SUSD4: variants seen among roughly 807,000 people sequenced by gnomAD.
The protein encoded by SUSD4 is sushi domain containing 4, also known as sushi domain-containing protein 4.
Under a neutral mutation model 50.5 loss-of-function variants are expected in SUSD4, and 41 were observed. The observed-to-expected ratio is 0.81, with a 90% CI of 0.63 to 1.05. The LOEUF is 1.05. Ranked by LOEUF, SUSD4 falls within the 50% of genes least tolerant of loss-of-function variation. SUSD4 has a pLI of 0.00. For synonymous variants in SUSD4, 257 were observed against 257.3 expected, an observed-to-expected ratio of 1.00 and a Z score of 0.01; for missense variants, 580 against 634.7, an observed-to-expected ratio of 0.91 and a Z score of 0.93.
chr1:223,329,709 A>G (rs1352695386), intron 2 of SUSD4, among the ~76,000 whole-genome samples: 1 of 152,220 alleles, frequency 6.6e-6, no homozygotes, highest in Non-Finnish European at 1.5e-5. Flanking sequence ...GGACAGATGG[A>G]TGGATGAACG....
At chr1:223,234,929 C>T (rs1660112616) in intron 5 of SUSD4, 3 of 1,566,354 alleles carry the variant, frequency 1.9e-6, no homozygotes, top group Admixed American at 4.4e-5. Context: ...ATTCAAACGT[C>T]CTTTATTGCA....
At chr1:223,335,648 A>C (rs1417448577) in intron 2 of SUSD4, among the ~76,000 whole-genome samples, 1 of 152,214 alleles carries the variant, frequency 6.6e-6, no homozygotes, top group Non-Finnish European at 1.5e-5. Flanking sequence ...TCAGAGACAC[A>C]AGAAAGCTAG....
intron 3 of SUSD4, among the ~76,000 whole-genome samples, chr1:223,269,240 T>C (rs558625837): frequency 1.3e-5 from 2 of 152,312 alleles, no homozygotes; most frequent in East Asian, 1.9e-4. Context: ...AGATAACAGA[T>C]AGAGCAGCAC....
intron 2 of SUSD4, among the ~76,000 whole-genome samples, chr1:223,312,486 C>T (rs1665938710): frequency 1.3e-5 from 2 of 152,150 alleles, no homozygotes; most frequent in Admixed American, 1.3e-4. Flanking sequence ...CTCACTGATA[C>T]ATGACCTTTG....
chr1:223,273,094 C>A (rs1325183253), intron 3 of SUSD4, among the ~76,000 whole-genome samples: 1 of 152,050 alleles, frequency 6.6e-6, no homozygotes, highest in Non-Finnish European at 1.5e-5. Flanking sequence ...ATGACAAGAA[C>A]AATTTAATTA....
chr1:223,296,366 T>C (rs188800884), intron 2 of SUSD4, among the ~76,000 whole-genome samples: 1 of 152,154 alleles, frequency 6.6e-6, no homozygotes, highest in African/African-American at 2.4e-5. Flanking sequence ...CAGAACAAGA[T>C]GAAGAGTGGG....
rs1659572470 is a variant in SUSD4 at position 223,227,167 on chromosome 1, C to CT, written c.1061+426dup. On this transcript the variant is annotated intron_variant, in intron 7 of 8. Transcript: ENST00000366878. This position sits in a 1 kb window ranked among gnomAD's most constrained non-coding sequence, Gnocchi z 4.5. ...TCCTGAGGCTTCTCAATGCATAACA[C>CT]TTTTGTTCACACACCTCTGACCTGT... Among the ~76,000 whole-genome samples, 1 of 152,146 alleles carries CT rather than the reference C, an allele frequency of 6.6e-6. No homozygotes were observed. Among genetic ancestry groups the CT allele is most frequent in the African/African-American group, 2.4e-5 (1 of 41,422 alleles).
chr1:223,256,578 G>C (rs1029184712), intron 5 of SUSD4, among the ~76,000 whole-genome samples: 12 of 152,248 alleles, frequency 7.9e-5, no homozygotes, highest in African/African-American at 2.4e-4. Flanking sequence ...GCCAGCATTG[G>C]GGGGAGAAGC....
chr1:223,326,544 C>A (rs1055484553), intron 2 of SUSD4, among the ~76,000 whole-genome samples: 1 of 151,928 alleles, frequency 6.6e-6, no homozygotes, highest in Non-Finnish European at 1.5e-5. Flanking sequence ...GAAATAATAA[C>A]CAGAGTAAAC....
At chr1:223,322,895 T>C (rs1666661240) in intron 2 of SUSD4, among the ~76,000 whole-genome samples, 1 of 152,172 alleles carries the variant, frequency 6.6e-6, no homozygotes, top group Non-Finnish European at 1.5e-5. Context: ...ATAATCATGC[T>C]CCCTGCAGCC....
At chr1:223,243,220 C>A (rs1274373956) in intron 5 of SUSD4, among the ~76,000 whole-genome samples, 1 of 152,178 alleles carries the variant, frequency 6.6e-6, no homozygotes, top group African/African-American at 2.4e-5. Context: ...AGCTGCCTCG[C>A]TCCAGGGAGG....
At position 223,280,208 on chromosome 1, in the gene SUSD4, A is replaced by C. The variant is rs559688923; in HGVS notation, c.362-11533T>G. ...GAGCAAAATAACCAGCTAACATCATAATGACAGGATCAAATTCACACATAA... is the reference window on the plus strand; with the variant it reads ...GAGCAAAATAACCAGCTAACATCATCATGACAGGATCAAATTCACACATAA... On this transcript the variant is annotated intron_variant, in intron 3 of 8. Coordinates refer to ENST00000366878, the MANE Select transcript of SUSD4 (RefSeq NM_017982.4). 5.6e-3 allele frequency among the ~76,000 whole-genome samples: 858 copies of C among 152,310 alleles called. 6 individuals carry two copies. The highest frequency in any genetic ancestry group is 9.0e-3 in the Admixed American group (138 of 15,282).
At position 223,227,409 on chromosome 1, in the gene SUSD4, G is replaced by C. The variant is rs1300665099; in HGVS notation, c.1061+185C>G. ...AGGAAGGAGGGAGAGAGGTAGGAAA[G>C]AAAGAAAGAGGAAAATGAGGTCTGT... On this transcript the variant is annotated intron_variant, in intron 7 of 8. Transcript: ENST00000366878. The surrounding 1 kb of genome is among the most constrained non-coding windows in gnomAD (Gnocchi z 4.5). 6.6e-6 allele frequency among the ~76,000 whole-genome samples: 1 copy of C among 152,182 alleles called. No homozygotes were observed. Among genetic ancestry groups the C allele is most frequent in the East Asian group, 1.9e-4 (1 of 5,194 alleles).
chr1:223,326,072 G>C (rs567334820), intron 2 of SUSD4, among the ~76,000 whole-genome samples: 1 of 152,186 alleles, frequency 6.6e-6, no homozygotes, highest in South Asian at 2.1e-4. Flanking sequence ...AACAAATCTG[G>C]AGGCATAACA....
intron 2 of SUSD4, among the ~76,000 whole-genome samples, chr1:223,345,043 T>C (rs1667956197): frequency 6.6e-6 from 1 of 152,240 alleles, no homozygotes; most frequent in African/African-American, 2.4e-5. Context: ...AAGTAATTTG[T>C]TATTAAGTCT....
At chr1:223,338,098 T>C (rs983500289) in intron 2 of SUSD4, among the ~76,000 whole-genome samples, 5 of 152,230 alleles carry the variant, frequency 3.3e-5, no homozygotes, top group African/African-American at 1.2e-4. Context: ...GGAAACACAG[T>C]GCAGTGAAAA....
chr1:223,236,546 C>CA (rs1267072089), intron 5 of SUSD4, among the ~76,000 whole-genome samples: 2 of 142,130 alleles, frequency 1.4e-5, no homozygotes, highest in African/African-American at 5.1e-5. Context: ...CTGTGTCTAG[C>CA]TTTTTTTTTT....
Position 223,227,887 on chromosome 1 carries a change from G to T in SUSD4, c.917-149C>A. On this transcript the variant is annotated intron_variant, in intron 6 of 8. Coordinates refer to ENST00000366878, the MANE Select transcript of SUSD4 (RefSeq NM_017982.4). The surrounding 1 kb of genome is among the most constrained non-coding windows in gnomAD (Gnocchi z 4.5). ...CCAGGGCTCGGCAGAGATACCATGTGCCCCTGTAGCTCATGTAAATTGCAT... is the reference window on the plus strand; with the variant it reads ...CCAGGGCTCGGCAGAGATACCATGTTCCCCTGTAGCTCATGTAAATTGCAT... The T allele has an allele frequency of 1.0e-6, 1 of 990,274 alleles. No homozygotes were observed. The highest frequency in any genetic ancestry group is 1.5e-6 in the Non-Finnish European group (1 of 686,736). The allele number at this position is 990,274 out of a possible 1,614,324, so 61.3% of individuals were successfully genotyped here.
intron 2 of SUSD4, among the ~76,000 whole-genome samples, chr1:223,321,267 C>A (rs181367092): frequency 2.1e-4 from 32 of 152,300 alleles, no homozygotes; most frequent in African/African-American, 7.0e-4. Flanking sequence ...CAGTACACGG[C>A]AAAGACAGAT....
Sources: allele counts gnomAD v4.1 joint callset (sites outside exome capture counted in the v4.1 genomes callset), GRCh38; gene constraint gnomAD v4.1.1; non-coding constraint Gnocchi (gnomAD v3.1); transcripts MANE v1.5; gene names NCBI Gene and HGNC (gene_info 2026-07-23, HGNC 2026-07-21).